The following FRMD4A variants were observed in gnomAD, a reference collection of about 807,000 sequenced individuals.
FRMD4A encodes FERM domain-containing protein 4A.
In FRMD4A, 29 loss-of-function variants were observed where a neutral mutation model predicts 129.1. That is an observed-to-expected ratio of 0.22 (90% CI 0.17 to 0.31). The LOEUF (loss-of-function observed/expected upper bound fraction) is 0.31, where lower values mean the gene tolerates loss of function less well. Among genes scored for constraint, FRMD4A ranks in the 10% least tolerant of loss-of-function variants. The pLI is 1.00. For missense variants in FRMD4A, 1,272 were observed against 1,375.8 expected (o/e 0.92, Z 1.19); for synonymous variants, 634 against 571.6 (o/e 1.11, Z -1.56).
chr10:14,261,287 A>G (rs555231576), intron 2 of FRMD4A, among the ~76,000 whole-genome samples: 10 of 152,220 alleles, frequency 6.6e-5, no homozygotes, highest in Non-Finnish European at 1.3e-4. Context: ...GCTTGATTAT[A>G]AATTTCCTAT....
chr10:14,195,665 C>T (rs1042911883), intron 2 of FRMD4A, among the ~76,000 whole-genome samples: 13 of 152,192 alleles, frequency 8.5e-5, no homozygotes, highest in African/African-American at 3.1e-4. Context: ...TAATCAGTTT[C>T]TTACATGATT....
At chr10:13,889,806 T>C (rs1333042802) in intron 2 of FRMD4A, among the ~76,000 whole-genome samples, 1 of 152,216 alleles carries the variant, frequency 6.6e-6, no homozygotes, top group Non-Finnish European at 1.5e-5. Flanking sequence ...CACAACTTCA[T>C]ACACCAGTCA....
intron 2 of FRMD4A, among the ~76,000 whole-genome samples, chr10:14,085,916 G>C (rs1056581002): frequency 6.6e-6 from 1 of 152,172 alleles, no homozygotes; most frequent in African/African-American, 2.4e-5. Flanking sequence ...CTGGCATTCT[G>C]ATTAGTAAAG....
chr10:14,173,844 C>T (rs1402340527), intron 2 of FRMD4A, among the ~76,000 whole-genome samples: 1 of 151,936 alleles, frequency 6.6e-6, no homozygotes, highest in Admixed American at 6.5e-5. Context: ...CTCCCCTTCC[C>T]CTCAGATCGC....
intron 2 of FRMD4A, among the ~76,000 whole-genome samples, chr10:13,940,891 C>T (rs1471464502): frequency 1.3e-5 from 2 of 152,176 alleles, no homozygotes; most frequent in Non-Finnish European, 2.9e-5. Flanking sequence ...GTTGTGTCAA[C>T]CAATGATCAC....
intron 2 of FRMD4A, among the ~76,000 whole-genome samples, chr10:14,303,597 G>A (rs1045946930): frequency 2.0e-5 from 3 of 152,218 alleles, no homozygotes; most frequent in Non-Finnish European, 4.4e-5. Flanking sequence ...TTTATGGGCA[G>A]TCAGTGAATT....
Position 13,707,903 on chromosome 10 carries a change from T to G in FRMD4A, c.760-790A>C, listed in dbSNP as rs1252434553. 5.1e-6 allele frequency: 5 copies of G among 985,034 alleles called. No individual in the cohort carries two copies. The African/African-American group carries it at 8.7e-5, about 17-fold the overall frequency. 61.0% of individuals were successfully genotyped at this position (985,034 alleles called of 1,614,324 possible). ...CCAGTGAGCTCGTTAACTGAGAAGC[T>G]GACTGTAATGTTTGGAAGTAATTAG... On this transcript the variant is annotated intron_variant, in intron 12 of 24. Transcript: ENST00000357447.
chr10:14,313,753 C>T (rs894370680), intron 2 of FRMD4A, among the ~76,000 whole-genome samples: 11 of 152,160 alleles, frequency 7.2e-5, no homozygotes, highest in Non-Finnish European at 1.5e-5. Flanking sequence ...TTTGAAATCC[C>T]CCTAAGAAAC....
intron 2 of FRMD4A, among the ~76,000 whole-genome samples, chr10:14,119,206 C>G (rs114597879): frequency 0.012 from 1,779 of 152,232 alleles, 26 homozygotes; most frequent in African/African-American, 0.04. Flanking sequence ...CCTGCTGGCA[C>G]CTGGGCTGCA....
chr10:14,210,685 C>T (rs555349548), intron 2 of FRMD4A, among the ~76,000 whole-genome samples: 1 of 152,116 alleles, frequency 6.6e-6, no homozygotes, highest in Non-Finnish European at 1.5e-5. Context: ...CGCACTGTAT[C>T]ATGTGGGCCT....
intron 2 of FRMD4A, among the ~76,000 whole-genome samples, chr10:14,208,786 G>A (rs977331949): frequency 3.3e-5 from 5 of 152,160 alleles, no homozygotes; most frequent in African/African-American, 1.2e-4. Flanking sequence ...TCATGCACCT[G>A]TATCTGTCCC....
chr10:13,856,850 G>A (rs527673462), intron 3 of FRMD4A, among the ~76,000 whole-genome samples: 52 of 152,182 alleles, frequency 3.4e-4, no homozygotes, highest in African/African-American at 1.3e-3. Flanking sequence ...GCCATTTGAG[G>A]TCTCATTTCC....
rs1196709860 is a variant in FRMD4A at position 14,142,252 on chromosome 10, T to G, written c.45+187806A>C. On this transcript the variant is annotated intron_variant, in intron 2 of 24. Transcript: ENST00000357447. ...TGCAATCGTGGTTATTCAATACATG[T>G]GCATCATTTCTATACATGTTCTGGT... Among the ~76,000 whole-genome samples, 4 of 152,362 alleles carry G rather than the reference T, an allele frequency of 2.6e-5. No homozygotes were observed. In the East Asian group the frequency reaches 7.7e-4, roughly 29 times the overall value.
chr10:14,288,902 C>T (rs562827096), intron 2 of FRMD4A, among the ~76,000 whole-genome samples: 1 of 152,156 alleles, frequency 6.6e-6, no homozygotes, highest in Admixed American at 6.5e-5. Flanking sequence ...TGGCTTATTT[C>T]ACTTAACATA....
chr10:14,218,596 G>A (rs1311288962), intron 2 of FRMD4A, among the ~76,000 whole-genome samples: 12 of 152,140 alleles, frequency 7.9e-5, no homozygotes, highest in African/African-American at 2.9e-4. Flanking sequence ...TCTCACGCCT[G>A]TAATCCCGGT....
At chr10:14,166,091 T>C (rs939376403) in intron 2 of FRMD4A, among the ~76,000 whole-genome samples, 3 of 151,408 alleles carry the variant, frequency 2.0e-5, no homozygotes, top group Non-Finnish European at 4.4e-5. Flanking sequence ...ATCTTAAAAA[T>C]ATATATTTGA....
chr10:14,275,538 G>T (rs1332025108), intron 2 of FRMD4A, among the ~76,000 whole-genome samples: 1 of 152,228 alleles, frequency 6.6e-6, no homozygotes, highest in Non-Finnish European at 1.5e-5. Flanking sequence ...AAAGGATGAA[G>T]AAAAACATCC....
intron 2 of FRMD4A, among the ~76,000 whole-genome samples, chr10:14,029,904 C>T (rs1419360137): frequency 4.2e-5 from 6 of 143,140 alleles, no homozygotes; most frequent in Non-Finnish European, 7.4e-5. Context: ...CATTATTCTG[C>T]GTTGTGGATA....
chr10:13,747,624 C>G (rs2091357380), intron 9 of FRMD4A, 112 bp downstream of exon 9: 1 of 615,804 alleles, frequency 1.6e-6, no homozygotes. Context: ...AATACAGCTG[C>G]AAGTCCAGGC....
Sources: gnomAD v4.1 joint callset for allele counts (sites outside exome capture counted in the v4.1 genomes callset) on GRCh38, gnomAD v4.1.1 for gene constraint, MANE v1.5 for transcripts, NCBI Gene and HGNC (gene_info 2026-07-23, HGNC 2026-07-21) for gene names.